Variants in HK1 observed in about 807,000 individuals in gnomAD.
The protein encoded by HK1 is hexokinase-1.
In HK1, 28 loss-of-function variants were observed where a neutral mutation model predicts 91.6. The ratio of observed to expected loss-of-function variants is 0.31; its 90% CI spans 0.23 to 0.42. The LOEUF (loss-of-function observed/expected upper bound fraction) is 0.42. Among genes scored for constraint, HK1 ranks in the 10% least tolerant of loss-of-function variants. HK1 has a pLI of 1.00. For synonymous variants in HK1, 430 were observed against 468.1 expected (o/e 0.92, Z 1.05); for missense variants, 770 against 1,219.8 (o/e 0.63, Z 5.49).
chr10:69,330,634 C>G (rs1366413837), intron 1 of HK1, among the ~76,000 whole-genome samples: 1 of 152,004 alleles, frequency 6.6e-6, no homozygotes, highest in Non-Finnish European at 1.5e-5. Context: ...CTCACCTTTC[C>G]CCTCCCTTCT....
chr10:69,389,157 G>A (rs776168042), intron 13 of HK1, 40 bp from the exon 14 acceptor site: 1 of 1,502,236 alleles, frequency 6.7e-7, no homozygotes, highest in East Asian at 2.3e-5. Flanking sequence ...GCCAGGCATA[G>A]TGATCCTATT....
At chr10:69,325,841 T>A (rs1353107011) in intron 1 of HK1, among the ~76,000 whole-genome samples, 1 of 123,818 alleles carries the variant, frequency 8.1e-6, no homozygotes, top group East Asian at 2.2e-4. Flanking sequence ...CTGGACTGCA[T>A]TTTTTTTTTT....
At chr10:69,394,003 G>T (rs1840029110) in intron 15 of HK1, among the ~76,000 whole-genome samples, 1 of 152,262 alleles carries the variant, frequency 6.6e-6, no homozygotes, top group Non-Finnish European at 1.5e-5. Flanking sequence ...GGTGGTCTTT[G>T]TGGTGGAATG....
chr10:69,333,851 G>A (rs1042434096), intron 1 of HK1, among the ~76,000 whole-genome samples: 1 of 152,088 alleles, frequency 6.6e-6, no homozygotes, highest in Non-Finnish European at 1.5e-5. Flanking sequence ...AGTGGCTCAC[G>A]CCTGTAATCC....
At chr10:69,360,633 C>T (rs556364425) in intron 3 of HK1, among the ~76,000 whole-genome samples, 18 of 152,312 alleles carry the variant, frequency 1.2e-4, no homozygotes, top group East Asian at 5.8e-4. Flanking sequence ...GGGCTCCCCA[C>T]GCTGGGCCCC....
At chr10:69,377,825 A>G (rs1839194212) in intron 8 of HK1, among the ~76,000 whole-genome samples, 1 of 152,224 alleles carries the variant, frequency 6.6e-6, no homozygotes, top group Non-Finnish European at 1.5e-5. Flanking sequence ...GAAACCTGTT[A>G]ACAGCCAGAA....
At chr10:69,308,225 C>CGT (rs1468392157) in intron 5 of HK1, among the ~76,000 whole-genome samples, 1 of 151,944 alleles carries the variant, frequency 6.6e-6, no homozygotes, top group South Asian at 2.1e-4. Flanking sequence ...TCCACAGACC[C>CGT]GTGTGTGTGT....
At chr10:69,334,282 G>A (rs961035397) in intron 1 of HK1, among the ~76,000 whole-genome samples, 1 of 152,168 alleles carries the variant, frequency 6.6e-6, no homozygotes, top group Non-Finnish European at 1.5e-5. Flanking sequence ...CCTGAGGGAT[G>A]GTTTTGGCTT....
At chr10:69,347,448 T>C (rs1462224712) in intron 2 of HK1, among the ~76,000 whole-genome samples, 1 of 151,832 alleles carries the variant, frequency 6.6e-6, no homozygotes, top group Non-Finnish European at 1.5e-5. Context: ...GATTTTTTTT[T>C]TTTTTTTAAG....
In HK1 at chr10:69,369,728, A is replaced by G; in HGVS notation, c.875+104A>G. ...AAGGGCATAAAGCCAAGTGATCACAAACAGAAAAGCCTGTCACATTTTTTT... is the reference window on the plus strand; with the variant it reads ...AAGGGCATAAAGCCAAGTGATCACAGACAGAAAAGCCTGTCACATTTTTTT... On this transcript the variant is annotated intron_variant, in intron 7 of 17. Coordinates refer to ENST00000359426, the MANE Select transcript of HK1 (RefSeq NM_000188.3). This position sits in a 1 kb window ranked among gnomAD's most constrained non-coding sequence, Gnocchi z 4.4. 8.8e-7 allele frequency: 1 copy of G among 1,138,254 alleles called. No individual in the cohort carries two copies. Among genetic ancestry groups the G allele is most frequent in the Non-Finnish European group, 1.3e-6 (1 of 771,536 alleles). 70.5% of individuals were successfully genotyped at this position (1,138,254 alleles called of 1,614,324 possible).
chr10:69,373,318 G>A (rs967425656), intron 7 of HK1, among the ~76,000 whole-genome samples: 1 of 152,224 alleles, frequency 6.6e-6, no homozygotes, highest in Admixed American at 6.5e-5. Flanking sequence ...AGTGGACAGG[G>A]AGGACATTGT....
intron 8 of HK1, 99 bp from the exon 9 acceptor site, chr10:69,379,762 TG>T: frequency 1.2e-6 from 1 of 860,536 alleles, no homozygotes; most frequent in Non-Finnish European, 2.0e-6. Flanking sequence ...ATCCCACACA[TG>T]GTAAGTGGGG....
intron 4 of HK1, among the ~76,000 whole-genome samples, chr10:69,297,549 C>T (rs1845627808): frequency 6.6e-6 from 1 of 152,184 alleles, no homozygotes; most frequent in South Asian, 2.1e-4. Context: ...TGGCCCCCTC[C>T]TTTATTTCCT....
intron 2 of HK1, among the ~76,000 whole-genome samples, chr10:69,345,620 G>C (rs1848508660): frequency 6.6e-6 from 1 of 152,044 alleles, no homozygotes; most frequent in South Asian, 2.1e-4. Context: ...AGCTCAGAAG[G>C]CTACCTGATC....
intron 7 of HK1, among the ~76,000 whole-genome samples, chr10:69,372,980 C>T (rs1850094848): frequency 6.6e-6 from 1 of 152,126 alleles, no homozygotes; most frequent in Admixed American, 6.5e-5. Flanking sequence ...CGTGATTCTC[C>T]TGCCTCAGCC....
Position 69,376,836 on chromosome 10 carries a change from G to A in HK1, c.876-98G>A, listed in dbSNP as rs928781490. ...CCAGCGAGGCTGGGGGCTGGTGAGG[G>A]GTGAGTCGGGGCTTCCCATTCCTTT... On this transcript the variant is annotated intron_variant, in intron 7 of 17. Coordinates refer to ENST00000359426, the MANE Select transcript of HK1 (RefSeq NM_000188.3). 5 of 1,449,656 alleles carry A rather than the reference G, an allele frequency of 3.4e-6. No individual in the cohort carries two copies. The African/African-American group carries it at 5.6e-5, about 16-fold the overall frequency. 89.8% of individuals were successfully genotyped at this position (1,449,656 alleles called of 1,614,324 possible).
intron 3 of HK1, chr10:69,288,871 C>A: frequency 1.0e-6 from 1 of 987,698 alleles, no homozygotes; most frequent in Non-Finnish European, 1.6e-6. Flanking sequence ...ACTATAACCT[C>A]TGCCTCCCGG....
At chr10:69,318,765 A>C, upstream of HK1, 1 of 1,215,582 alleles carries the variant, frequency 8.2e-7, no homozygotes, top group South Asian at 1.8e-5. Context: ...GTCACCCTCC[A>C]GGGGACGGGA....
intron 4 of HK1, among the ~76,000 whole-genome samples, chr10:69,367,013 A>C (rs1849738356): frequency 6.6e-6 from 1 of 152,218 alleles, no homozygotes; most frequent in South Asian, 2.1e-4. Flanking sequence ...ACCGTACAGT[A>C]GGTCCCGTAA....
Sources: gnomAD v4.1 joint callset for allele counts (sites outside exome capture counted in the v4.1 genomes callset) on GRCh38, gnomAD v4.1.1 for gene constraint, Gnocchi (gnomAD v3.1) non-coding constraint, MANE v1.5 for transcripts, NCBI Gene and HGNC (gene_info 2026-07-23, HGNC 2026-07-21) for gene names.